Variants in PTPRD observed in about 807,000 individuals in gnomAD.
PTPRD encodes the protein receptor-type tyrosine-protein phosphatase delta.
In PTPRD, 34 loss-of-function variants were observed where a neutral mutation model predicts 214.5. The ratio of observed to expected loss-of-function variants is 0.16; its 90% CI spans 0.12 to 0.21. The LOEUF is 0.21. Among genes scored for constraint, PTPRD ranks in the 10% least tolerant of loss-of-function variants. The pLI is 1.00. For synonymous variants in PTPRD, 1,128 were observed against 845.7 expected (o/e 1.33, Z -5.79); for missense variants, 2,545 against 2,398.7 (o/e 1.06, Z -1.27).
At chr9:9,431,268 G>C (rs1372987735) in intron 8 of PTPRD, among the ~76,000 whole-genome samples, 1 of 152,202 alleles carries the variant, frequency 6.6e-6, no homozygotes, top group East Asian at 1.9e-4. Context: ...CTTCTCAAAA[G>C]AAGACACTTA....
chr9:9,535,681 G>C (rs2076366135), intron 8 of PTPRD, among the ~76,000 whole-genome samples: 1 of 151,992 alleles, frequency 6.6e-6, no homozygotes, highest in South Asian at 2.1e-4. Context: ...GTTTAATGTG[G>C]AGAAACAAGC....
chr9:9,644,592 A>G (rs2096081527), intron 7 of PTPRD, among the ~76,000 whole-genome samples: 1 of 152,214 alleles, frequency 6.6e-6, no homozygotes, highest in South Asian at 2.1e-4. Flanking sequence ...ACAAATAGGA[A>G]GCAGACAAAT....
chr9:9,279,422 T>C (rs1418514943), intron 9 of PTPRD, among the ~76,000 whole-genome samples: 1 of 149,520 alleles, frequency 6.7e-6, no homozygotes, highest in Non-Finnish European at 1.5e-5. Context: ...CATTCGGTGC[T>C]ACTGGTATGA....
chr9:8,740,130 TC>T (rs2091544120), intron 11 of PTPRD, among the ~76,000 whole-genome samples: 1 of 152,156 alleles, frequency 6.6e-6, no homozygotes, highest in African/African-American at 2.4e-5. Flanking sequence ...AAAGGGAAGA[TC>T]AGTCTATGAC....
At chr9:8,548,275 G>A (rs1021703349) in intron 14 of PTPRD, among the ~76,000 whole-genome samples, 1 of 152,134 alleles carries the variant, frequency 6.6e-6, no homozygotes, top group Admixed American at 6.6e-5. Flanking sequence ...AAGGTCTGTT[G>A]AAGGATGATG....
intron 9 of PTPRD, among the ~76,000 whole-genome samples, chr9:9,396,623 T>C (rs1260904211): frequency 6.6e-6 from 1 of 151,978 alleles, no homozygotes; most frequent in Non-Finnish European, 1.5e-5. Flanking sequence ...ACTCTGGCCA[T>C]TTCTTATTTT....
intron 35 of PTPRD, among the ~76,000 whole-genome samples, chr9:8,427,459 T>A (rs907617441): frequency 1.3e-5 from 2 of 152,156 alleles, no homozygotes; most frequent in Non-Finnish European, 2.9e-5. Flanking sequence ...CACACTTTGG[T>A]TAATCACCTG....
intron 5 of PTPRD, among the ~76,000 whole-genome samples, chr9:9,804,029 C>T (rs1455696104): frequency 6.6e-6 from 1 of 152,074 alleles, no homozygotes; most frequent in East Asian, 1.9e-4. Flanking sequence ...ATGTTAAAAT[C>T]TACATTATCA....
intron 12 of PTPRD, chr9:8,713,578 A>G (rs1165601953): frequency 2.6e-6 from 4 of 1,509,556 alleles, no homozygotes; most frequent in Non-Finnish European, 3.7e-6. Flanking sequence ...CCGGAGCGGC[A>G]CCCACAACAT....
At chr9:8,694,269 G>C (rs1042751422) in intron 12 of PTPRD, among the ~76,000 whole-genome samples, 1 of 152,062 alleles carries the variant, frequency 6.6e-6, no homozygotes, top group Non-Finnish European at 1.5e-5. Flanking sequence ...ATAGAAAATA[G>C]CCATGGGAGA....
At chr9:10,532,588 A>G (rs1408392320) in intron 2 of PTPRD, among the ~76,000 whole-genome samples, 1 of 147,584 alleles carries the variant, frequency 6.8e-6, no homozygotes, top group Non-Finnish European at 1.5e-5. Flanking sequence ...ATATATATTT[A>G]TATAATATAT....
chr9:10,220,806 T>C (rs1409085267), intron 3 of PTPRD, among the ~76,000 whole-genome samples: 3 of 151,890 alleles, frequency 2.0e-5, no homozygotes, highest in Non-Finnish European at 2.9e-5. Context: ...GTTTTCCTTT[T>C]GCTAAACTTA....
At chr9:9,006,568 T>C (rs1479605366) in intron 11 of PTPRD, among the ~76,000 whole-genome samples, 1 of 152,062 alleles carries the variant, frequency 6.6e-6, no homozygotes, top group African/African-American at 2.4e-5. Context: ...TGGGCTGCAA[T>C]TACCATATTT....
intron 3 of PTPRD, among the ~76,000 whole-genome samples, chr9:10,140,062 C>A (rs2098972426): frequency 6.6e-6 from 1 of 151,976 alleles, no homozygotes; most frequent in South Asian, 2.1e-4. Context: ...TAAAGAGCTT[C>A]TTCTCAGCAA....
intron 4 of PTPRD, among the ~76,000 whole-genome samples, chr9:9,950,306 G>A (rs1041268298): frequency 2.6e-5 from 4 of 152,308 alleles, no homozygotes; most frequent in South Asian, 4.1e-4. Context: ...CAATGTAGAA[G>A]TGTGGGGAGT....
intron 5 of PTPRD, among the ~76,000 whole-genome samples, chr9:9,908,282 A>T (rs1423942802): frequency 2.6e-5 from 4 of 151,970 alleles, no homozygotes; most frequent in Non-Finnish European, 5.9e-5. Context: ...ATCATCTGAG[A>T]GTTCTTCCAC....
intron 2 of PTPRD, among the ~76,000 whole-genome samples, chr9:10,351,873 G>A (rs908432150): frequency 6.6e-6 from 1 of 151,982 alleles, no homozygotes; most frequent in Non-Finnish European, 1.5e-5. Context: ...AAGGGGATGG[G>A]TCACAAATGG....
chr9:9,842,542 A>G (rs7867030), intron 5 of PTPRD, among the ~76,000 whole-genome samples: 23,638 of 151,980 alleles, frequency 0.16, 3,532 homozygotes, highest in East Asian at 0.74. Flanking sequence ...GGAACAAAAA[A>G]GAGAGACTAG....
At chr9:8,628,292 G>C (rs960736751) in intron 14 of PTPRD, among the ~76,000 whole-genome samples, 1 of 151,860 alleles carries the variant, frequency 6.6e-6, no homozygotes, top group African/African-American at 2.4e-5. Context: ...CAATGGCAGA[G>C]ATAGTTGACT....
Sources: allele counts gnomAD v4.1 joint callset (sites outside exome capture counted in the v4.1 genomes callset), GRCh38; gene constraint gnomAD v4.1.1; transcripts MANE v1.5; gene names NCBI Gene and HGNC (gene_info 2026-07-23, HGNC 2026-07-21).